The following IRAG2 variants were observed in gnomAD, a reference collection of about 807,000 sequenced individuals.
IRAG2 encodes lymphoid restricted membrane protein.
IRAG2 carries 45 observed loss-of-function variants against 69.9 expected under a neutral mutation model. That is an observed-to-expected ratio of 0.64 (90% CI 0.51 to 0.83). The LOEUF is 0.83. IRAG2 is among the 40% of genes least tolerant of loss of function. IRAG2 has a pLI of 0.00. For synonymous variants in IRAG2, 193 were observed against 202.4 expected, an observed-to-expected ratio of 0.95 and a Z score of 0.40; for missense variants, 520 against 587.0, an observed-to-expected ratio of 0.89 and a Z score of 1.18.
chr12:25,006,746 CT>C (rs1944436078), intron 2 of IRAG2, among the ~76,000 whole-genome samples: 1 of 152,126 alleles, frequency 6.6e-6, no homozygotes, highest in African/African-American at 2.4e-5. Flanking sequence ...GGCTGAAAAA[CT>C]ACCAGTCACA....
chr12:25,104,273 T>A (rs1948914313), intron 19 of IRAG2, 88 bp from the exon 20 acceptor site: 2 of 979,550 alleles, frequency 2.0e-6, no homozygotes, highest in South Asian at 2.7e-5. Context: ...GACATATAAT[T>A]TTGTATTTAC....
chr12:25,079,340 T>C (rs1472807367), intron 7 of IRAG2, 50 bp downstream of exon 7: 1 of 1,610,544 alleles, frequency 6.2e-7, no homozygotes, highest in African/African-American at 1.3e-5. Flanking sequence ...ATTTAGTTGG[T>C]TTTAAGAGAA....
At chr12:25,079,322 G>C (rs755224922) in intron 7 of IRAG2, 32 bp downstream of exon 7, 1 of 1,611,666 alleles carries the variant, frequency 6.2e-7, no homozygotes, top group Admixed American at 1.7e-5. Flanking sequence ...GTGTGAATTT[G>C]TATGCATATT....
At chr12:25,009,279 C>G (rs987658088) in intron 2 of IRAG2, among the ~76,000 whole-genome samples, 1 of 152,184 alleles carries the variant, frequency 6.6e-6, no homozygotes. Context: ...GCATTCTAGC[C>G]TGGGCAACAG....
Position 25,107,869 on chromosome 12 carries a change from G to C in IRAG2, c.1309G>C (p.Ala437Pro). The C allele has an allele frequency of 6.2e-7, 1 of 1,614,070 alleles. No individual in the cohort carries two copies. Residue 437 changes from alanine (A) to proline (P), a missense_variant, in exon 22 of 22, where the codon GCT (alanine) becomes CCT (proline). Coordinates refer to ENST00000556887, the MANE Select transcript of IRAG2 (RefSeq NM_001366544.2). Reference protein sequence around the residue: ...ATNLKSSIRKANKALWLSIAF... With the variant: ...ATNLKSSIRKPNKALWLSIAF... The stretch of plus-strand genomic sequence containing the variant: ...AAATCTCAAGTCCTCCATCAGAAAG[G>C]CTAATAAGGCCCTCTGGCTCTCTAT...
intron 3 of IRAG2, among the ~76,000 whole-genome samples, chr12:25,012,486 T>C (rs1944484849): frequency 6.6e-6 from 1 of 151,866 alleles, no homozygotes; most frequent in Admixed American, 6.6e-5. Context: ...TGCCTCCTAT[T>C]CAGCCACCAA....
At chr12:25,075,452 A>G (rs1946620299) in intron 6 of IRAG2, among the ~76,000 whole-genome samples, 1 of 152,098 alleles carries the variant, frequency 6.6e-6, no homozygotes. Flanking sequence ...AATTAATCTT[A>G]AAAGTTATTT....
chr12:25,085,345 T>G (rs932312261), intron 10 of IRAG2, among the ~76,000 whole-genome samples: 1 of 116,216 alleles, frequency 8.6e-6, no homozygotes, highest in Non-Finnish European at 1.9e-5. Context: ...GGGAAGGTGG[T>G]ATGGAATGGG....
Position 25,020,863 on chromosome 12 carries a change from TCAGAAGAG to T in IRAG2, c.1299_1306del (p.Gln433HisfsTer19). 8.1e-7 allele frequency: 1 copy of T among 1,231,986 alleles called. No individual in the cohort carries two copies. 76.3% of individuals were successfully genotyped at this position (1,231,986 alleles called of 1,614,324 possible). On this transcript the variant is annotated frameshift_variant, in exon 7 of 39. Coordinates refer to the IRAG2 transcript ENST00000636465. LOFTEE classifies it high-confidence loss of function. Reference sequence around the variant, plus strand: ...GGAACTGAAACTTAGTATGAATGCTTCAGAAGAGCAGAAGAGCATGATTGTAGCCCAGA... The same window carrying T: ...GGAACTGAAACTTAGTATGAATGCTTCAGAAGAGCATGATTGTAGCCCAGA...
At chr12:25,008,020 T>C (rs1565524556) in intron 2 of IRAG2, among the ~76,000 whole-genome samples, 1 of 152,174 alleles carries the variant, frequency 6.6e-6, no homozygotes, top group Non-Finnish European at 1.5e-5. Flanking sequence ...TTTTAACCAT[T>C]GAGAGTAATG....
At chr12:25,054,330 A>G (rs546413476) in intron 1 of IRAG2, among the ~76,000 whole-genome samples, 1 of 152,322 alleles carries the variant, frequency 6.6e-6, no homozygotes, top group Non-Finnish European at 1.5e-5. Flanking sequence ...AGTTGGTTTA[A>G]GGTGTGTCTG....
rs750144137 is a variant in IRAG2, at chr12:25,088,167, G to A, written c.373+10G>A. The A allele has an allele frequency of 9.3e-6, 15 of 1,609,414 alleles. No individual in the cohort carries two copies. The highest frequency in any genetic ancestry group is 1.7e-5 in the Admixed American group (1 of 59,978). The stretch of plus-strand genomic sequence containing the variant: ...GAACATGCTTCAGGAGGTAAGGAAT[G>A]TTTCTTTCAATCCCCATGTGAACTT... On this transcript the variant is annotated intron_variant, in intron 11 of 21. Coordinates refer to ENST00000556887, the MANE Select transcript of IRAG2 (RefSeq NM_001366544.2).
intron 15 of IRAG2, 46 bp from the exon 16 acceptor site, chr12:25,101,132 A>T: frequency 1.3e-6 from 2 of 1,516,646 alleles, no homozygotes; most frequent in Non-Finnish European, 1.8e-6. Flanking sequence ...CTTTTAATTG[A>T]GAGTAGTATT....
chr12:25,064,947 G>A (rs1485425026), intron 4 of IRAG2, among the ~76,000 whole-genome samples: 2 of 152,104 alleles, frequency 1.3e-5, no homozygotes, highest in Non-Finnish European at 2.9e-5. Flanking sequence ...AAAATTAGCT[G>A]GGCATGGTGG....
At chr12:25,097,511 G>A (rs1419541597) in intron 15 of IRAG2, 1 of 152,332 alleles carries the variant, frequency 6.6e-6, no homozygotes, top group African/African-American at 2.4e-5. Context: ...CAATGCTCCA[G>A]TAAATATCCT....
intron 15 of IRAG2, among the ~76,000 whole-genome samples, chr12:25,037,264 T>C (rs1944708919): frequency 6.6e-6 from 1 of 152,170 alleles, no homozygotes; most frequent in Non-Finnish European, 1.5e-5. Flanking sequence ...AAGTAAACTC[T>C]GGAATATGAT....
At chr12:25,081,739 A>C (rs1382064388) in intron 9 of IRAG2, among the ~76,000 whole-genome samples, 1 of 152,262 alleles carries the variant, frequency 6.6e-6, no homozygotes, top group African/African-American at 2.4e-5. Context: ...AGATTTTGGC[A>C]TATCCATGTA....
intron 7 of IRAG2, among the ~76,000 whole-genome samples, chr12:25,021,693 T>G (rs1191642819): frequency 6.6e-6 from 1 of 152,216 alleles, no homozygotes; most frequent in Non-Finnish European, 1.5e-5. Context: ...TTAACTATGG[T>G]AAGGAGTGGC....
chr12:25,075,521 CGTGTGTGTGT>C (rs747046833), intron 6 of IRAG2, among the ~76,000 whole-genome samples: 49 of 139,366 alleles, frequency 3.5e-4, no homozygotes, highest in African/African-American at 1.2e-3. Flanking sequence ...TGTGTGTATG[CGTGTGTGTGT>C]GTGTGTGTGT....
Sources: gnomAD v4.1 joint callset for allele counts (sites outside exome capture counted in the v4.1 genomes callset) on GRCh38, gnomAD v4.1.1 for gene constraint, MANE v1.5 for transcripts, NCBI Gene and HGNC (gene_info 2026-07-23, HGNC 2026-07-21) for gene names.